LINGO2: variants seen among roughly 807,000 people sequenced by gnomAD.
LINGO2 encodes leucine rich repeat and Ig domain containing 2.
LINGO2 carries 14 observed loss-of-function variants against 30.6 expected under a neutral mutation model. The ratio of observed to expected loss-of-function variants is 0.46; its 90% confidence interval spans 0.30 to 0.72. The LOEUF (loss-of-function observed/expected upper bound fraction) is 0.72, where lower values mean the gene tolerates loss of function less well. Ranked by LOEUF, LINGO2 falls within the 30% of genes least tolerant of loss-of-function variation. The pLI, the probability that LINGO2 is intolerant of heterozygous loss-of-function variation, is 0.07. For synonymous variants in LINGO2, 317 were observed against 288.5 expected (o/e 1.10, Z -1.00); for missense variants, 729 against 751.7 (o/e 0.97, Z 0.35).
At chr9:28,953,996 T>C in the LINGO2 span, among the ~76,000 whole-genome samples, 2 of 152,118 alleles carry the variant, frequency 1.3e-5, no homozygotes, top group African/African-American at 4.8e-5. Flanking sequence ...AAAATTACTC[T>C]TGTTAAAATT....
At chr9:28,030,221 CA>C (rs1303713099) in intron 4 of LINGO2, among the ~76,000 whole-genome samples, 1 of 152,130 alleles carries the variant, frequency 6.6e-6, no homozygotes, top group Non-Finnish European at 1.5e-5. Flanking sequence ...GACTCATGTT[CA>C]ACACTAACTT....
chr9:28,968,174 A>T, the LINGO2 span, among the ~76,000 whole-genome samples: 1 of 152,222 alleles, frequency 6.6e-6, no homozygotes, highest in African/African-American at 2.4e-5. Context: ...CAGATCACAG[A>T]CATCGGTACA....
intron 1 of LINGO2, among the ~76,000 whole-genome samples, chr9:28,553,098 C>T (rs893883784): frequency 1.3e-5 from 2 of 152,182 alleles, no homozygotes; most frequent in Admixed American, 6.6e-5. Context: ...CACCTCTCCT[C>T]CTCCAAAGGA....
intron 4 of LINGO2, among the ~76,000 whole-genome samples, chr9:28,126,194 C>T (rs545758026): frequency 8.5e-5 from 13 of 152,164 alleles, no homozygotes; most frequent in Middle Eastern, 6.8e-3. Context: ...CATGACGTGG[C>T]TTATAGTAAA....
At chr9:28,502,753 A>C (rs1290570829) in intron 1 of LINGO2, among the ~76,000 whole-genome samples, 2 of 152,142 alleles carry the variant, frequency 1.3e-5, no homozygotes, top group Non-Finnish European at 2.9e-5. Context: ...CATTTTATAC[A>C]GTGCAACAGG....
chr9:28,211,807 C>T (rs1820601856), intron 4 of LINGO2, among the ~76,000 whole-genome samples: 1 of 151,312 alleles, frequency 6.6e-6, no homozygotes, highest in African/African-American at 2.4e-5. Flanking sequence ...AGGTTGTCTC[C>T]TCCTTTCTTG....
intron 1 of LINGO2, among the ~76,000 whole-genome samples, chr9:28,479,879 GTGTGTA>G (rs1395384948): frequency 1.6e-5 from 2 of 124,416 alleles, no homozygotes; most frequent in Non-Finnish European, 3.4e-5. Context: ...GTGTGTGTGT[GTGTGTA>G]TGTGTGTATG....
chr9:28,159,913 A>C (rs1044379772), intron 4 of LINGO2, among the ~76,000 whole-genome samples: 1 of 152,184 alleles, frequency 6.6e-6, no homozygotes. Flanking sequence ...AACTAAAAAA[A>C]GTTGATAGAT....
chr9:27,968,353 C>T lies in LINGO2; in HGVS notation c.-35-17647G>A, dbSNP rs1026479977. Among the ~76,000 whole-genome samples the T allele has an allele frequency of 1.1e-4, 17 of 151,788 alleles. No homozygotes were observed. The South Asian group carries it at 1.5e-3, about 13-fold the overall frequency. On this transcript the variant is annotated intron_variant, in intron 5 of 5. Coordinates refer to ENST00000379992, the Ensembl canonical transcript of LINGO2. ...ATTGTATTATTCATGACTCATGGTT[C>T]CAAATGGACTATTATGCAGGAATTA...
intron 4 of LINGO2, among the ~76,000 whole-genome samples, chr9:28,018,637 A>G (rs375266136): frequency 8.3e-4 from 127 of 152,304 alleles, no homozygotes; most frequent in African/African-American, 2.6e-3. Flanking sequence ...ACAAACCACA[A>G]TGAGTTACCA....
rs184078094 is a variant in LINGO2, at chr9:28,452,207, T to C, written c.-279+23733A>G. ...TAAGTCAATATTCAGACAATTACTC[T>C]CATTTACTAAGCAAAAGAGTAGCAA... On this transcript the variant is annotated intron_variant, in intron 2 of 5. Transcript: ENST00000379992. 4.1e-3 allele frequency among the ~76,000 whole-genome samples: 623 copies of C among 151,868 alleles called. 4 individuals are homozygous for C. The highest frequency in any genetic ancestry group is 5.1e-3 in the Non-Finnish European group (346 of 67,764).
chr9:27,981,571 A>AAAAAAAAAAAAAAG (rs1820876000), intron 5 of LINGO2, among the ~76,000 whole-genome samples: 1 of 74,234 alleles, frequency 1.3e-5, no homozygotes, highest in Non-Finnish European at 3.5e-5. Flanking sequence ...AAAAAAAAAG[A>AAAAAAAAAAAAAAG]AAAAAAAAAG....
At chr9:28,921,113 G>A in the LINGO2 span, among the ~76,000 whole-genome samples, 3 of 152,060 alleles carry the variant, frequency 2.0e-5, no homozygotes, top group East Asian at 1.9e-4. Context: ...CAGCTTTATC[G>A]TATTTCTAAA....
At chr9:28,738,252 C>T in the LINGO2 span, among the ~76,000 whole-genome samples, 2 of 152,134 alleles carry the variant, frequency 1.3e-5, no homozygotes, top group Non-Finnish European at 2.9e-5. Context: ...AGATCTATCC[C>T]TGCCTCAGGT....
chr9:28,070,299 C>T (rs1446605837), intron 4 of LINGO2, among the ~76,000 whole-genome samples: 1 of 152,062 alleles, frequency 6.6e-6, no homozygotes, highest in Non-Finnish European at 1.5e-5. Flanking sequence ...TGGAGTTATA[C>T]CTCTTGGTGG....
rs190780586 is a variant in LINGO2 at position 28,241,223 on chromosome 9, C to T, written c.-87+53985G>A. 1.1e-4 allele frequency among the ~76,000 whole-genome samples: 14 copies of T among 130,794 alleles called. No individual in the cohort carries two copies. In the East Asian group the frequency reaches 1.2e-3, roughly 11 times the overall value. 85.8% of individuals were successfully genotyped at this position (130,794 alleles called of 152,430 possible). ...GGTGGAAACTGCAGTGAGCTGAGAT[C>T]GTGCCACTGCACTCCAGCCTGGTGA... On this transcript the variant is annotated intron_variant, in intron 4 of 5. Coordinates refer to ENST00000379992, the Ensembl canonical transcript of LINGO2.
chr9:29,064,449 T>C, the LINGO2 span, among the ~76,000 whole-genome samples: 6 of 152,104 alleles, frequency 3.9e-5, no homozygotes, highest in Admixed American at 3.3e-4. Flanking sequence ...ATTAGAATTA[T>C]ATGTGACAGC....
rs531287338 is a variant in LINGO2, at chr9:28,291,506, C to G, written c.-87+3702G>C. Among the ~76,000 whole-genome samples, 18 of 152,204 alleles carry G rather than the reference C, an allele frequency of 1.2e-4. No homozygotes were observed. In the South Asian group the frequency reaches 3.3e-3, roughly 28 times the overall value. ...GCTCTGCCCGTATGGAAGTTATAGT[C>G]TAATAGCTGCCAAGAGTTTTTTTAA... On this transcript the variant is annotated intron_variant, in intron 4 of 5. Coordinates refer to ENST00000379992, the Ensembl canonical transcript of LINGO2.
In LINGO2 at chr9:27,949,288, C is replaced by T. The variant is rs775547230; in HGVS notation, c.1384G>A (p.Val462Met). ...ATTTCCAAGGTGCCATCACCCAACA[C>T]GGTGGCTCTTCCATTGGACTTGGTG... is the stretch of plus-strand genomic sequence containing the variant. Residue 462 changes from valine (V) to methionine (M), a missense_variant, in exon 6 of 6, where the codon GTG (valine) becomes ATG (methionine). By Grantham distance (21) the Val-to-Met change is conservative (BLOSUM62 1). Transcript: ENST00000379992. 6 of 1,613,976 alleles carry T rather than the reference C, an allele frequency of 3.7e-6. No individual in the cohort carries two copies. The highest frequency in any genetic ancestry group is 3.3e-5 in the South Asian group (3 of 91,082).
Sources: gnomAD v4.1 joint callset for allele counts (sites outside exome capture counted in the v4.1 genomes callset) on GRCh38, gnomAD v4.1.1 for gene constraint, MANE v1.5 for transcripts, NCBI Gene and HGNC (gene_info 2026-07-23, HGNC 2026-07-21) for gene names.